Variants in PTPN9 observed in about 807,000 individuals in gnomAD.
PTPN9 encodes protein tyrosine phosphatase non-receptor type 9, also known as tyrosine-protein phosphatase non-receptor type 9.
PTPN9 carries 26 observed loss-of-function variants against 69.8 expected under a neutral mutation model. The observed-to-expected ratio is 0.37, with a 90% CI of 0.27 to 0.52. The LOEUF (loss-of-function observed/expected upper bound fraction) is 0.52, where lower values mean the gene tolerates loss of function less well. Among genes scored for constraint, PTPN9 ranks in the 20% least tolerant of loss-of-function variants. PTPN9 has a pLI of 0.91. For missense variants in PTPN9, 549 were observed against 740.3 expected, an observed-to-expected ratio of 0.74 and a Z score of 3.00; for synonymous variants, 274 against 272.5, an observed-to-expected ratio of 1.01 and a Z score of -0.05.
chr15:75,478,606 T>A (rs2074610390), intron 9 of PTPN9, among the ~76,000 whole-genome samples: 1 of 152,220 alleles, frequency 6.6e-6, no homozygotes, highest in African/African-American at 2.4e-5. Context: ...TCTAGAACAG[T>A]TCTCTGCCTT....
At chr15:75,480,354 C>G (rs943086159) in intron 8 of PTPN9, among the ~76,000 whole-genome samples, 5 of 152,116 alleles carry the variant, frequency 3.3e-5, no homozygotes, top group African/African-American at 1.2e-4. Flanking sequence ...CCTGTAATCC[C>G]AGCACTTTGG....
intron 1 of PTPN9, among the ~76,000 whole-genome samples, chr15:75,559,832 TA>T (rs2075096556): frequency 6.7e-6 from 1 of 148,468 alleles, no homozygotes. Context: ...AAAAAATGAA[TA>T]TTTTTTTCTT....
intron 10 of PTPN9, among the ~76,000 whole-genome samples, chr15:75,471,387 T>G (rs938441503): frequency 1.3e-5 from 2 of 152,044 alleles, no homozygotes; most frequent in African/African-American, 2.4e-5. Flanking sequence ...AGCAGGAGGT[T>G]TGTGTAAAAG....
chr15:75,568,539 A>C (rs910971248), intron 1 of PTPN9, among the ~76,000 whole-genome samples: 1 of 150,396 alleles, frequency 6.6e-6, no homozygotes, highest in Admixed American at 6.7e-5. Flanking sequence ...ACAAAAAAAA[A>C]ACAACCTAAT....
At chr15:75,568,520 A>C (rs7162532) in intron 1 of PTPN9, among the ~76,000 whole-genome samples, 50,219 of 147,226 alleles carry the variant, frequency 0.34, 9,790 homozygotes, top group African/African-American at 0.53. Context: ...AAAAAAAAAA[A>C]AAAACAAAAC....
chr15:75,543,792 C>A (rs2075019593), intron 1 of PTPN9, among the ~76,000 whole-genome samples: 1 of 151,938 alleles, frequency 6.6e-6, no homozygotes, highest in African/African-American at 2.4e-5. Context: ...ATATACATAA[C>A]AGGAATTTTT....
In PTPN9 at chr15:75,465,326, A is replaced by AC. The variant is rs1287523300; in HGVS notation, c.*3442dup. ...ATCATATTGGTCAGGCTGGTCTCAA[A>AC]CTCCTGACCTCAGGTGATCTGCCCA... On this transcript the variant is annotated 3_prime_UTR_variant, in exon 13 of 13. Transcript: ENST00000618819. The AC allele has an allele frequency of 6.6e-6, 1 of 151,510 alleles. No individual in the cohort carries two copies. The highest frequency in any genetic ancestry group is 1.9e-4 in the East Asian group (1 of 5,168). The allele number at this position is 151,510 out of a possible 1,614,324, so 9.4% of individuals were successfully genotyped here. A position where few individuals can be genotyped will look rare whatever the true frequency, so the allele number is the denominator to read the frequency against.
intron 1 of PTPN9, among the ~76,000 whole-genome samples, chr15:75,541,730 G>A (rs1355882330): frequency 3.3e-5 from 5 of 150,272 alleles, no homozygotes; most frequent in Admixed American, 2.0e-4. Flanking sequence ...TTTTTGAGAC[G>A]GAGTCTTACT....
chr15:75,463,888 G>A lies in PTPN9; in HGVS notation c.*4881C>T, dbSNP rs898877865. 2 of 152,234 alleles carry A rather than the reference G, an allele frequency of 1.3e-5. No individual in the cohort carries two copies. The highest frequency in any genetic ancestry group is 4.8e-5 in the African/African-American group (2 of 41,450). The allele number at this position is 152,234 out of a possible 1,614,324, so 9.4% of individuals were successfully genotyped here. A position where few individuals can be genotyped will look rare whatever the true frequency, so the allele number is the denominator to read the frequency against. On this transcript the variant is annotated 3_prime_UTR_variant, in exon 13 of 13. Coordinates refer to ENST00000618819, the MANE Select transcript of PTPN9 (RefSeq NM_002833.4). ...TCCTGCCCTTGGTAGGCTCACAGTG[G>A]TTTGTGGGAGTAACCAAGGCCAGAG... is the stretch of plus-strand genomic sequence containing the variant.
Position 75,527,243 on chromosome 15 carries a change from C to G in PTPN9, c.82G>C (p.Glu28Gln). The G allele has an allele frequency of 6.2e-7, 1 of 1,613,898 alleles. No individual in the cohort carries two copies. Among genetic ancestry groups the G allele is most frequent in the Non-Finnish European group, 8.5e-7 (1 of 1,179,946 alleles). Residue 28 changes from glutamate (E) to glutamine (Q), a missense_variant, in exon 2 of 13, where the codon GAA becomes CAA. By Grantham distance (29) the Glu-to-Gln change is conservative (BLOSUM62 2). This residue lies in a region of PTPN9 where 62 missense variants were observed against 53.6 expected (regional missense o/e 1.16). Coordinates refer to ENST00000618819, the MANE Select transcript of PTPN9 (RefSeq NM_002833.4). Reference protein sequence around the residue: ...EEEQATKQFLEEINKWTVQYN... With the variant: ...EEEQATKQFLQEINKWTVQYN... ...TGAACTGTCCACTTGTTAATCTCTT[C>G]GAGAAACTGCTTGGTAGCCTGTTTG...
chr15:75,516,396 C>T (rs551217231), intron 5 of PTPN9, among the ~76,000 whole-genome samples: 6 of 151,090 alleles, frequency 4.0e-5, no homozygotes, highest in South Asian at 2.1e-4. Context: ...CTCCGCCTCC[C>T]GGATTCACAC....
intron 4 of PTPN9, among the ~76,000 whole-genome samples, chr15:75,519,243 G>C (rs978755228): frequency 1.3e-5 from 2 of 152,166 alleles, no homozygotes; most frequent in African/African-American, 4.8e-5. Context: ...CGAGTAGCTA[G>C]GACTACAGGT....
At chr15:75,521,184 G>A (rs2074902972) in intron 4 of PTPN9, among the ~76,000 whole-genome samples, 1 of 143,360 alleles carries the variant, frequency 7.0e-6, no homozygotes, top group Non-Finnish European at 1.5e-5. Context: ...GGTGGCTCAC[G>A]CCTGTAATCC....
intron 1 of PTPN9, among the ~76,000 whole-genome samples, chr15:75,539,006 T>TA (rs960489019): frequency 6.0e-5 from 9 of 150,658 alleles, no homozygotes; most frequent in Non-Finnish European, 8.9e-5. Flanking sequence ...CCAGTCTCTA[T>TA]AAAAAAAATA....
intron 5 of PTPN9, among the ~76,000 whole-genome samples, chr15:75,510,366 C>T (rs1202144235): frequency 6.6e-6 from 1 of 152,130 alleles, no homozygotes; most frequent in Non-Finnish European, 1.5e-5. Flanking sequence ...CCACCTCAGG[C>T]TCCCAAGTAA....
intron 8 of PTPN9, chr15:75,487,843 A>ATGCCCAAATACAAGGCAGTAAGT (rs1231702771): frequency 2.6e-5 from 4 of 152,252 alleles, no homozygotes; most frequent in African/African-American, 9.6e-5. Flanking sequence ...CATGTCATAT[A>ATGCCCAAATACAAGGCAGTAAGT]TGCCCAAATA....
In PTPN9 at chr15:75,562,225, C is replaced by T. The variant is rs185365688; in HGVS notation, c.63+16489G>A. 5.0e-4 allele frequency among the ~76,000 whole-genome samples: 76 copies of T among 152,274 alleles called. 2 individuals are homozygous for T. In the East Asian group the frequency reaches 0.014, roughly 28 times the overall value. On this transcript the variant is annotated intron_variant, in intron 1 of 12. Transcript: ENST00000618819. ...CTACAGCCAGAGGCTTATATGAACT[C>T]CCCAACTTCATTAACCTCATTAAAT...
chr15:75,517,208 T>C (rs372135064), intron 5 of PTPN9, 51 bp downstream of exon 5: 7 of 1,323,044 alleles, frequency 5.3e-6, no homozygotes, highest in Non-Finnish European at 6.3e-6. Flanking sequence ...TAAAAAAATA[T>C]ATATATCCCA....
At chr15:75,511,869 T>A (rs2074846654) in intron 5 of PTPN9, among the ~76,000 whole-genome samples, 1 of 106,540 alleles carries the variant, frequency 9.4e-6, no homozygotes, top group East Asian at 2.5e-4. Flanking sequence ...CTCACTTTAA[T>A]ATTTTTTTTT....
Sources: gnomAD v4.1 joint callset for allele counts (sites outside exome capture counted in the v4.1 genomes callset) on GRCh38, gnomAD v4.1.1 for gene constraint, gnomAD v4.1.1 regional missense constraint, MANE v1.5 for transcripts, NCBI Gene and HGNC (gene_info 2026-07-23, HGNC 2026-07-21) for gene names.